Variants in WNK2 observed in about 807,000 individuals in gnomAD.
WNK2 encodes WNK lysine deficient protein kinase 2, also known as serine/threonine-protein kinase WNK2.
In WNK2, 67 loss-of-function variants were observed where a neutral mutation model predicts 192.1. The ratio of observed to expected loss-of-function variants is 0.35; its 90% CI spans 0.29 to 0.43. The LOEUF (loss-of-function observed/expected upper bound fraction) is 0.43. Among genes scored for constraint, WNK2 ranks in the 20% least tolerant of loss-of-function variants. WNK2 has a pLI of 1.00. For synonymous variants in WNK2, 1,439 were observed against 1,393.9 expected (o/e 1.03, Z -0.72); for missense variants, 2,698 against 3,089.7 (o/e 0.87, Z 3.01).
At chr9:93,187,075 C>T (rs1370641125) in intron 2 of WNK2, among the ~76,000 whole-genome samples, 1 of 152,110 alleles carries the variant, frequency 6.6e-6, no homozygotes, top group African/African-American at 2.4e-5. Context: ...CTGCTCTTGC[C>T]CTTCTGACCG....
intron 27 of WNK2, chr9:93,307,170 C>T (rs1852735771): frequency 5.7e-6 from 2 of 352,154 alleles, no homozygotes; most frequent in Non-Finnish European, 1.1e-5. Context: ...TGAGTGCCTC[C>T]CCACGAGGAG....
rs1217033600 is a variant in WNK2, at chr9:93,288,939, C to T, written c.4185C>T (p.Pro1395=). ...CCTCCCCTCCTGTGACTGCTCTGCC[C>T]CAAGATGGAGCAGCTCCAGCCACCA... ...APSSPPVTAL[P]QDGAAPATST... is the part of the protein sequence containing the mutation. The change falls in exon 20 of 30, where the codon CCC becomes CCT. Residue 1395 remains proline (P), a synonymous_variant. Coordinates refer to ENST00000427277, the MANE Select transcript of WNK2 (RefSeq NM_006648.4). 1 of 1,607,168 alleles carries T rather than the reference C, an allele frequency of 6.2e-7. No homozygotes were observed. The highest frequency in any genetic ancestry group is 8.5e-7 in the Non-Finnish European group (1 of 1,177,538).
chr9:93,276,904 C>T (rs755253381), intron 19 of WNK2, among the ~76,000 whole-genome samples: 5 of 152,004 alleles, frequency 3.3e-5, no homozygotes, highest in Non-Finnish European at 4.4e-5. Context: ...GCCGTGGTGG[C>T]GGGCACCTGT....
intron 26 of WNK2, among the ~76,000 whole-genome samples, chr9:93,300,783 C>T (rs1156922630): frequency 2.0e-5 from 3 of 152,150 alleles, no homozygotes; most frequent in Non-Finnish European, 2.9e-5. Context: ...TGCTCCAGTT[C>T]GGGCCTCCCC....
intron 2 of WNK2, among the ~76,000 whole-genome samples, chr9:93,199,945 G>A (rs113860304): frequency 3.2e-4 from 48 of 150,626 alleles, no homozygotes; most frequent in African/African-American, 8.5e-4. Flanking sequence ...AGCTAGGATG[G>A]GGGGGCAGCG....
chr9:93,247,824 C>T lies in WNK2; in HGVS notation c.1824C>T (p.Thr608=). ...LLPPTLPTSA[T]SLASDSTFDS... is the part of the protein sequence containing the mutation. ...CACCTACGTTGCCGACCAGCGCCAC[C>T]TCCCTGGCCTGTGAGTGCTCAGGGG... The change falls in exon 8 of 30, where the codon ACC becomes ACT. Residue 608 remains threonine, a synonymous_variant. Transcript: ENST00000427277. The surrounding 1 kb of genome is among the most constrained non-coding windows in gnomAD (Gnocchi z 5.2). The T allele has an allele frequency of 6.5e-7, 1 of 1,538,198 alleles. No homozygotes were observed. The highest frequency in any genetic ancestry group is 8.7e-7 in the Non-Finnish European group (1 of 1,147,276).
At position 93,257,744 on chromosome 9, in the gene WNK2, A is replaced by G. The variant is rs1055881675; in HGVS notation, c.2382+605A>G. On this transcript the variant is annotated intron_variant, in intron 11 of 29. Transcript: ENST00000427277. The surrounding 1 kb of genome is among the most constrained non-coding windows in gnomAD (Gnocchi z 4.7). Reference sequence around the variant, plus strand: ...GCCAGCCTGTGGCATTGCTGACTGCAGGAAAGCCCAGCCAGCAAGGCTCGA... The same window carrying G: ...GCCAGCCTGTGGCATTGCTGACTGCGGGAAAGCCCAGCCAGCAAGGCTCGA... 6.6e-6 allele frequency among the ~76,000 whole-genome samples: 1 copy of G among 152,234 alleles called. No homozygotes were observed.
chr9:93,213,403 A>T (rs1190747971), intron 2 of WNK2, among the ~76,000 whole-genome samples: 1 of 152,214 alleles, frequency 6.6e-6, no homozygotes, highest in Non-Finnish European at 1.5e-5. Context: ...GTGTATTCTC[A>T]GATGTGGCTG....
chr9:93,187,257 C>T lies in WNK2; in HGVS notation c.681+1647C>T, dbSNP rs537588015. On this transcript the variant is annotated intron_variant, in intron 2 of 29. Coordinates refer to ENST00000427277, the MANE Select transcript of WNK2 (RefSeq NM_006648.4). ...CCCATTCCCTTTAAGGAAACGCAGGCGATTCTGTCTCTGGGTCTGTCCCCT... is the reference window on the plus strand; with the variant it reads ...CCCATTCCCTTTAAGGAAACGCAGGTGATTCTGTCTCTGGGTCTGTCCCCT... Among the ~76,000 whole-genome samples the T allele has an allele frequency of 1.4e-4, 21 of 152,240 alleles. 1 individual carries two copies. The highest frequency in any genetic ancestry group is 2.6e-4 in the Admixed American group (4 of 15,298).
chr9:93,286,441 A>G (rs558253592), intron 19 of WNK2, among the ~76,000 whole-genome samples: 2 of 152,204 alleles, frequency 1.3e-5, no homozygotes, highest in African/African-American at 4.8e-5. Context: ...TTATCAGGGA[A>G]ATGCAAATCA....
At chr9:93,212,084 A>T (rs1038330063) in intron 2 of WNK2, among the ~76,000 whole-genome samples, 1 of 152,130 alleles carries the variant, frequency 6.6e-6, no homozygotes, top group Non-Finnish European at 1.5e-5. Flanking sequence ...CTACTCATTC[A>T]TCATCGGTTC....
At chr9:93,286,342 G>A (rs180921312) in intron 19 of WNK2, among the ~76,000 whole-genome samples, 102 of 152,268 alleles carry the variant, frequency 6.7e-4, no homozygotes, top group Non-Finnish European at 1.1e-3. Flanking sequence ...CTGTAGAAAA[G>A]CAGGCAAGAG....
chr9:93,292,473 C>T lies in WNK2; in HGVS notation c.5026-18C>T. 4.4e-6 allele frequency: 7 copies of T among 1,608,924 alleles called. No individual in the cohort carries two copies. The highest frequency in any genetic ancestry group is 5.9e-6 in the Non-Finnish European group (7 of 1,176,504). On this transcript the variant is annotated intron_variant, in intron 22 of 29. Transcript: ENST00000427277. The stretch of plus-strand genomic sequence containing the variant: ...TGATGTTCACATGAAACCTCTTCAT[C>T]TCCGCTTGTTTCCCAAGGATGTACC...
At chr9:93,192,737 T>C (rs75694376) in intron 2 of WNK2, among the ~76,000 whole-genome samples, 4,665 of 152,344 alleles carry the variant, frequency 0.031, 101 homozygotes, top group Non-Finnish European at 0.048. Context: ...GGAACTGTGC[T>C]GCACCTTAAA....
In WNK2 at chr9:93,263,718, G is replaced by A. The variant is rs571774775; in HGVS notation, c.3563G>A (p.Arg1188Gln). ...RSRQERASRP[R>Q]LTILNVCNTG... The stretch of plus-strand genomic sequence containing the variant: ...CGGCAGGAGAGGGCCAGCCGGCCCC[G>A]GCTTACCATCTTGAACGTGAGTGGG... The change falls in exon 15 of 30, where the codon CGG becomes CAG. Residue 1188 changes from arginine to glutamine, a missense_variant. Arg to Gln is a conservative substitution (Grantham distance 43). Coordinates refer to ENST00000427277, the MANE Select transcript of WNK2 (RefSeq NM_006648.4). The A allele has an allele frequency of 9.2e-6, 14 of 1,516,818 alleles. No individual in the cohort carries two copies. The highest frequency in any genetic ancestry group is 2.5e-5 in the East Asian group (1 of 40,744). The allele number at this position is 1,516,818 out of a possible 1,614,324, so 94.0% of individuals were successfully genotyped here. A position where few individuals can be genotyped will look rare whatever the true frequency, so the allele number is the denominator to read the frequency against.
intron 19 of WNK2, among the ~76,000 whole-genome samples, chr9:93,270,470 T>C (rs996851933): frequency 3.3e-5 from 5 of 152,252 alleles, no homozygotes; most frequent in Non-Finnish European, 7.3e-5. Flanking sequence ...CACAGCTGTC[T>C]GAGTACTTGG....
At chr9:93,211,010 T>G (rs1834395479) in intron 2 of WNK2, among the ~76,000 whole-genome samples, 1 of 147,366 alleles carries the variant, frequency 6.8e-6, no homozygotes, top group Non-Finnish European at 1.5e-5. Context: ...CTCACTCACA[T>G]TCACTCATTC....
intron 26 of WNK2, 181 bp from the exon 27 acceptor site, chr9:93,306,596 C>A: frequency 1.4e-6 from 1 of 718,368 alleles, no homozygotes. Context: ...TCGTGGGAGC[C>A]TGCACCCTCT....
In WNK2 at chr9:93,270,407, C is replaced by CA. The variant is rs201500665; in HGVS notation, c.4033+1662dup. Among the ~76,000 whole-genome samples, 6 of 152,372 alleles carry CA rather than the reference C, an allele frequency of 3.9e-5. No individual in the cohort carries two copies. The East Asian group carries it at 1.2e-3, about 29-fold the overall frequency. On this transcript the variant is annotated intron_variant, in intron 19 of 29. Coordinates refer to ENST00000427277, the MANE Select transcript of WNK2 (RefSeq NM_006648.4). The stretch of plus-strand genomic sequence containing the variant: ...CTGGGTAAGGTAGAGAAAGCACACA[C>CA]ATCCATTTTTCTTTCCACTGAAATG...
Sources: gnomAD v4.1 joint callset for allele counts (sites outside exome capture counted in the v4.1 genomes callset) on GRCh38, gnomAD v4.1.1 for gene constraint, Gnocchi (gnomAD v3.1) non-coding constraint, MANE v1.5 for transcripts, NCBI Gene and HGNC (gene_info 2026-07-23, HGNC 2026-07-21) for gene names.